The following CCDC192 variants were observed in gnomAD, a reference collection of about 807,000 sequenced individuals.
CCDC192 encodes the protein coiled-coil domain-containing protein 192.
rs377122838 is a variant in CCDC192, at chr5:127,711,658, C to T, written c.114+3898C>T. Among the ~76,000 whole-genome samples the T allele has an allele frequency of 1.4e-4, 21 of 152,044 alleles. No homozygotes were observed. In the South Asian group the frequency reaches 2.3e-3, roughly 17 times the overall value. The stretch of plus-strand genomic sequence containing the variant: ...TCCTTTGATGAGCAAACTTTCAAAT[C>T]GTTAATGAATCAAGGTTATCAATAT... On this transcript the variant is annotated intron_variant, in intron 2 of 6. Transcript: ENST00000514853.
intron 2 of CCDC192, among the ~76,000 whole-genome samples, chr5:127,746,087 T>C (rs981968166): frequency 2.6e-5 from 4 of 152,232 alleles, no homozygotes; most frequent in African/African-American, 7.2e-5. Context: ...ATAAGCTCTT[T>C]CCCGTAAGGG....
intron 2 of CCDC192, among the ~76,000 whole-genome samples, chr5:127,710,221 C>T (rs1463715954): frequency 6.6e-6 from 1 of 152,202 alleles, no homozygotes; most frequent in Non-Finnish European, 1.5e-5. Context: ...ATGATTACTG[C>T]TGCCTTCTTC....
rs1756522013 is a variant in CCDC192, at chr5:127,786,083, AC to A, written c.223-11019del. ...TTCTGGATTCTAGATACAAGATTAT[AC>A]ATGTGTCCCAAATCTTCATTTTTGT... is the stretch of plus-strand genomic sequence containing the variant. On this transcript the variant is annotated intron_variant, in intron 3 of 6. Transcript: ENST00000514853. 11 of 767,540 alleles carry A rather than the reference AC, an allele frequency of 1.4e-5. No homozygotes were observed. In the Middle Eastern group the frequency reaches 9.6e-4, roughly 67 times the overall value. 47.5% of individuals were successfully genotyped at this position (767,540 alleles called of 1,614,324 possible).
intron 2 of CCDC192, among the ~76,000 whole-genome samples, chr5:127,712,583 CTT>C (rs1751399943): frequency 6.6e-6 from 1 of 152,210 alleles, no homozygotes; most frequent in African/African-American, 2.4e-5. Flanking sequence ...AAATAAACCT[CTT>C]TTCTTTTCAA....
intron 2 of CCDC192, among the ~76,000 whole-genome samples, chr5:127,724,282 C>A (rs1752185771): frequency 6.6e-6 from 1 of 152,120 alleles, no homozygotes; most frequent in Admixed American, 6.5e-5. Context: ...TCTAGAACAA[C>A]CTGCTTTCTC....
intron 2 of CCDC192, among the ~76,000 whole-genome samples, chr5:127,750,910 T>C (rs1754117362): frequency 2.0e-5 from 3 of 150,540 alleles, no homozygotes; most frequent in Admixed American, 2.0e-4. Flanking sequence ...GTTTAAAGTC[T>C]GTTTTATCAG....
rs886070340 is a variant in CCDC192 at position 127,873,265 on chromosome 5, A to G, written c.412-2273A>G. 9.2e-5 allele frequency among the ~76,000 whole-genome samples: 14 copies of G among 152,354 alleles called. No individual in the cohort carries two copies. The Middle Eastern group carries it at 0.01, about 111-fold the overall frequency. On this transcript the variant is annotated intron_variant, in intron 5 of 6. Transcript: ENST00000514853. The stretch of plus-strand genomic sequence containing the variant: ...ATATCTGCATATGAATAGTTGTGAC[A>G]TGATTTGAGAATTTGAATACCATTT...
chr5:127,786,406 C>T, intron 3 of CCDC192: 1 of 621,450 alleles, frequency 1.6e-6, no homozygotes, highest in Non-Finnish European at 3.0e-6. Context: ...GCAAATGCAT[C>T]ATCTTCCTTC....
intron 2 of CCDC192, among the ~76,000 whole-genome samples, chr5:127,746,709 C>A (rs575339591): frequency 6.6e-6 from 1 of 151,472 alleles, no homozygotes; most frequent in Admixed American, 6.6e-5. Flanking sequence ...TATCACCATT[C>A]CAGCCTAAGA....
At chr5:127,866,009 G>A (rs904587593) in intron 5 of CCDC192, among the ~76,000 whole-genome samples, 1 of 152,010 alleles carries the variant, frequency 6.6e-6, no homozygotes, top group African/African-American at 2.4e-5. Flanking sequence ...TAACTGAGAA[G>A]AGGAAAATCA....
intron 5 of CCDC192, among the ~76,000 whole-genome samples, chr5:127,829,184 G>A (rs1002201521): frequency 6.6e-6 from 1 of 152,116 alleles, no homozygotes; most frequent in Admixed American, 6.6e-5. Context: ...AGCAGGCTGG[G>A]GAGTAGGCTG....
intron 6 of CCDC192, among the ~76,000 whole-genome samples, chr5:127,878,900 T>C (rs555286141): frequency 1.3e-5 from 2 of 149,140 alleles, no homozygotes; most frequent in African/African-American, 5.0e-5. Context: ...GGTTTGTAGT[T>C]CTCCTTGAAG....
At chr5:127,936,058 C>T (rs535642087) in intron 6 of CCDC192, among the ~76,000 whole-genome samples, 8 of 152,054 alleles carry the variant, frequency 5.3e-5, no homozygotes, top group South Asian at 2.1e-4. Context: ...GAGCCAAGAT[C>T]GCACCATCGC....
chr5:127,920,909 A>C (rs769869964), intron 6 of CCDC192, among the ~76,000 whole-genome samples: 17 of 151,646 alleles, frequency 1.1e-4, no homozygotes, highest in Non-Finnish European at 1.8e-4. Context: ...AAAAGACAAA[A>C]ATTAGCCAGG....
At chr5:127,785,939 G>A (rs76043115) in intron 3 of CCDC192, 24,390 of 475,166 alleles carry the variant, frequency 0.051, 1,865 homozygotes, top group East Asian at 0.26. Flanking sequence ...TGAAGGTCAA[G>A]CACCTTCTGT....
chr5:127,743,117 G>A (rs1753517780), intron 2 of CCDC192, among the ~76,000 whole-genome samples: 1 of 152,048 alleles, frequency 6.6e-6, no homozygotes, highest in Non-Finnish European at 1.5e-5. Context: ...GGGATGAGAA[G>A]AGAGAAGGTC....
rs116802605 is a variant in CCDC192, at chr5:127,764,333, A to G, written c.222+9958A>G. Among the ~76,000 whole-genome samples the G allele has an allele frequency of 7.0e-3, 1,064 of 152,342 alleles. 14 individuals carry two copies. Among genetic ancestry groups the G allele is most frequent in the African/African-American group, 0.024 (1,005 of 41,568 alleles). ...GGCCTAAATTATTGGTGGAGAGAAG[A>G]CAGAGACAAGATATATTTATGAGTT... On this transcript the variant is annotated intron_variant, in intron 3 of 6. Transcript: ENST00000514853.
intron 6 of CCDC192, among the ~76,000 whole-genome samples, chr5:127,926,926 A>G (rs948768682): frequency 6.6e-6 from 1 of 152,164 alleles, no homozygotes; most frequent in African/African-American, 2.4e-5. Flanking sequence ...GTTTGGAGAA[A>G]AAGAGTGTCC....
chr5:127,912,793 A>G (rs734642), intron 6 of CCDC192, among the ~76,000 whole-genome samples: 31,319 of 152,154 alleles, frequency 0.21, 3,370 homozygotes, highest in East Asian at 0.32. Context: ...AACGCTTCCA[A>G]TGAAACTTCC....
Sources: allele counts gnomAD v4.1 joint callset (sites outside exome capture counted in the v4.1 genomes callset), GRCh38; gene constraint gnomAD v4.1.1; transcripts MANE v1.5; gene names NCBI Gene and HGNC (gene_info 2026-07-23, HGNC 2026-07-21).